The following PLEKHA7 variants were observed in gnomAD, a reference collection of about 807,000 sequenced individuals.
PLEKHA7 encodes pleckstrin homology domain-containing family A member 7.
In PLEKHA7, 104 loss-of-function variants were observed where a neutral mutation model predicts 170.0. That is an observed-to-expected ratio of 0.61 (90% CI 0.52 to 0.72). The LOEUF (loss-of-function observed/expected upper bound fraction) is 0.72, where lower values mean the gene tolerates loss of function less well. Among genes scored for constraint, PLEKHA7 ranks in the 30% least tolerant of loss-of-function variants. The pLI, the probability that PLEKHA7 is intolerant of heterozygous loss-of-function variation, is 0.00. For missense variants in PLEKHA7, 1,615 were observed against 1,671.7 expected, an observed-to-expected ratio of 0.97 and a Z score of 0.59; for synonymous variants, 648 against 660.8, an observed-to-expected ratio of 0.98 and a Z score of 0.30.
At chr11:16,994,177 A>G (rs1864207080) in intron 3 of PLEKHA7, among the ~76,000 whole-genome samples, 4 of 152,192 alleles carry the variant, frequency 2.6e-5, no homozygotes, top group Admixed American at 2.6e-4. Context: ...GGTCAAGGCC[A>G]CCAGGTGACA....
chr11:16,877,414 G>A (rs1855383403), intron 3 of PLEKHA7, among the ~76,000 whole-genome samples: 1 of 152,212 alleles, frequency 6.6e-6, no homozygotes, highest in African/African-American at 2.4e-5. Flanking sequence ...TAAAGAGGTA[G>A]CAATCAAGAT....
intron 3 of PLEKHA7, among the ~76,000 whole-genome samples, chr11:16,929,291 C>A (rs1011798837): frequency 6.6e-6 from 1 of 152,194 alleles, no homozygotes; most frequent in African/African-American, 2.4e-5. Context: ...ACATTTACCT[C>A]CTGGGCTATG....
intron 4 of PLEKHA7, among the ~76,000 whole-genome samples, chr11:16,868,160 C>T (rs1286829386): frequency 6.6e-6 from 1 of 152,148 alleles, no homozygotes; most frequent in Non-Finnish European, 1.5e-5. Context: ...AGGTTAGAGT[C>T]CCCTTTATCA....
At chr11:16,921,069 T>G (rs1859050185) in intron 3 of PLEKHA7, among the ~76,000 whole-genome samples, 1 of 152,264 alleles carries the variant, frequency 6.6e-6, no homozygotes, top group Non-Finnish European at 1.5e-5. Context: ...CACCACCAGC[T>G]GGGAGCCCTT....
chr11:16,850,226 T>C (rs1361205514), intron 8 of PLEKHA7, among the ~76,000 whole-genome samples: 1 of 152,200 alleles, frequency 6.6e-6, no homozygotes, highest in Non-Finnish European at 1.5e-5. Flanking sequence ...TACTGTCTAG[T>C]GTTCATCTTG....
chr11:16,939,368 C>T (rs1476666683), intron 3 of PLEKHA7, among the ~76,000 whole-genome samples: 2 of 151,988 alleles, frequency 1.3e-5, no homozygotes, highest in Non-Finnish European at 2.9e-5. Context: ...GACCCGAGAT[C>T]GTGCCACTGC....
chr11:16,931,946 A>C (rs1033267057), intron 3 of PLEKHA7, among the ~76,000 whole-genome samples: 1 of 152,188 alleles, frequency 6.6e-6, no homozygotes, highest in South Asian at 2.1e-4. Context: ...AAAACTGTTA[A>C]ATTTTAAAAG....
chr11:16,801,048 G>C lies in PLEKHA7; in HGVS notation c.2335C>G (p.Leu779Val), dbSNP rs1242915335. 5 of 1,614,114 alleles carry C rather than the reference G, an allele frequency of 3.1e-6. No individual in the cohort carries two copies. Among genetic ancestry groups the C allele is most frequent in the Admixed American group, 3.3e-5 (2 of 60,008 alleles). Residue 779 changes from leucine (L) to valine (V), a missense_variant, in exon 17 of 27, where the codon CTG (leucine) becomes GTG (valine). Transcript: ENST00000531066. Reference sequence around the variant, plus strand: ...TGTTCCACATCATTCTCCAACTTCAGGTATTCGTTCCAAGCATTTTCCATC... The same window carrying C: ...TGTTCCACATCATTCTCCAACTTCACGTATTCGTTCCAAGCATTTTCCATC... ...TEMENAWNEY[L>V]KLENDVEQLK...
intron 9 of PLEKHA7, among the ~76,000 whole-genome samples, chr11:16,838,514 T>TA (rs56823340): frequency 0.028 from 3,607 of 128,456 alleles, 74 homozygotes; most frequent in African/African-American, 0.053. Flanking sequence ...CTCTGTGTCT[T>TA]AAAAAAAAAA....
chr11:16,871,245 G>C, intron 3 of PLEKHA7, 63 bp from the exon 4 acceptor site: 3 of 1,322,464 alleles, frequency 2.3e-6, no homozygotes, highest in Admixed American at 1.7e-5. Flanking sequence ...AGACACGACA[G>C]GTCAGTCAGC....
chr11:16,786,324 C>T lies in PLEKHA7; in HGVS notation c.3421G>A (p.Asp1141Asn), dbSNP rs1476107781. ...LERVVQGEKK[D>N]KEENGWLKVQ... ...TTCAACCAGCCATTCTCCTCCTTGT[C>T]CTTTTTTTCCCCTTGCACGACCCGT... The change falls in exon 24 of 27, where the codon GAC becomes AAC. Residue 1141 changes from aspartate (D) to asparagine (N), a missense_variant. By Grantham distance (23) the Asp-to-Asn change is conservative. Transcript: ENST00000531066. 1 of 1,536,078 alleles carries T rather than the reference C, an allele frequency of 6.5e-7. No homozygotes were observed. The highest frequency in any genetic ancestry group is 8.7e-7 in the Non-Finnish European group (1 of 1,146,928).
intron 3 of PLEKHA7, among the ~76,000 whole-genome samples, chr11:16,912,289 C>T (rs1236074839): frequency 6.6e-6 from 1 of 152,168 alleles, no homozygotes; most frequent in Non-Finnish European, 1.5e-5. Context: ...AATGTGCAGC[C>T]AGGGGTGGCA....
Position 16,794,914 on chromosome 11 carries a change from A to AT in PLEKHA7, c.2513dup (p.Asn838LysfsTer22), listed in dbSNP as rs780055494. 1.3e-6 allele frequency: 2 copies of AT among 1,599,512 alleles called. No homozygotes were observed. Among genetic ancestry groups the AT allele is most frequent in the Non-Finnish European group, 1.7e-6 (2 of 1,171,250 alleles). ...CCAGGAAGATGAACATCTCACCCGG[A>AT]TTTTTTACTGACTCCACTAGAATTC... is the stretch of plus-strand genomic sequence containing the variant. On this transcript the variant is annotated frameshift_variant, in exon 18 of 27. Coordinates refer to ENST00000531066, the MANE Select transcript of PLEKHA7 (RefSeq NM_001329630.2). LOFTEE classifies it high-confidence loss of function.
chr11:16,826,746 G>C (rs1850687802), intron 9 of PLEKHA7, among the ~76,000 whole-genome samples, 156 bp from the exon 10 acceptor site: 1 of 152,126 alleles, frequency 6.6e-6, no homozygotes, highest in Admixed American at 6.6e-5. Context: ...CCTAACTTCT[G>C]CTCCTTTGGG....
intron 8 of PLEKHA7, among the ~76,000 whole-genome samples, chr11:16,847,090 CTTTTTTTTTT>C (rs59132787): frequency 1.4e-5 from 1 of 70,814 alleles, no homozygotes; most frequent in Non-Finnish European, 2.6e-5. Context: ...TTTTTTTTTT[CTTTTTTTTTT>C]TTTTTTTTTT....
intron 3 of PLEKHA7, among the ~76,000 whole-genome samples, chr11:16,922,693 TAGCCTAGGG>T (rs1475155204): frequency 6.6e-6 from 1 of 152,152 alleles, no homozygotes; most frequent in African/African-American, 2.4e-5. Context: ...ACCCTTCTCT[TAGCCTAGGG>T]AGCTTCTCCT....
At chr11:16,881,437 T>C (rs1374652137) in intron 3 of PLEKHA7, 1 of 152,152 alleles carries the variant, frequency 6.6e-6, no homozygotes, top group Admixed American at 6.5e-5. Flanking sequence ...GTGTTACAAA[T>C]CCAGCAGCCA....
intron 3 of PLEKHA7, among the ~76,000 whole-genome samples, chr11:16,917,660 G>C (rs1858790485): frequency 1.3e-5 from 2 of 152,204 alleles, no homozygotes; most frequent in African/African-American, 4.8e-5. Context: ...AATCCAGAAT[G>C]ATCTTCCCAT....
At chr11:16,858,291 G>A (rs1430131112) in intron 4 of PLEKHA7, among the ~76,000 whole-genome samples, 2 of 152,174 alleles carry the variant, frequency 1.3e-5, no homozygotes, top group East Asian at 1.9e-4. Flanking sequence ...ATTTTAAAAC[G>A]TTATTGTAAT....
Sources: allele counts gnomAD v4.1 joint callset (sites outside exome capture counted in the v4.1 genomes callset), GRCh38; gene constraint gnomAD v4.1.1; transcripts MANE v1.5; gene names NCBI Gene and HGNC (gene_info 2026-07-23, HGNC 2026-07-21).